Variants in CAMK4 observed in about 807,000 individuals in gnomAD.
The protein encoded by CAMK4 is calcium/calmodulin dependent protein kinase IV, also known as calcium/calmodulin-dependent protein kinase type IV.
In CAMK4, 22 loss-of-function variants were observed where a neutral mutation model predicts 44.9. The observed-to-expected ratio is 0.49, with a 90% CI of 0.35 to 0.70. The LOEUF is 0.70. Ranked by LOEUF, CAMK4 falls within the 30% of genes least tolerant of loss-of-function variation. The pLI, the probability that CAMK4 is intolerant of heterozygous loss-of-function variation, is 0.01. For synonymous variants in CAMK4, 218 were observed against 215.4 expected (o/e 1.01, Z -0.11); for missense variants, 498 against 586.8 (o/e 0.85, Z 1.56).
At chr5:111,277,396 A>C (rs6899235) in intron 1 of CAMK4, 11 of 152,258 alleles carry the variant, frequency 7.2e-5, no homozygotes, top group Non-Finnish European at 1.3e-4. Context: ...TATATCACAG[A>C]AACTCCCTGA....
intron 1 of CAMK4, among the ~76,000 whole-genome samples, chr5:111,327,550 T>G (rs1320526133): frequency 1.3e-5 from 2 of 152,080 alleles, no homozygotes; most frequent in Non-Finnish European, 2.9e-5. Flanking sequence ...GGTCAAATGG[T>G]ATTTCTAGTT....
At chr5:111,461,970 A>C (rs1754659899) in intron 7 of CAMK4, among the ~76,000 whole-genome samples, 1 of 152,116 alleles carries the variant, frequency 6.6e-6, no homozygotes, top group African/African-American at 2.4e-5. Flanking sequence ...ATTTTGAAAC[A>C]AACAAGACCC....
intron 4 of CAMK4, among the ~76,000 whole-genome samples, chr5:111,379,592 C>T (rs1751340434): frequency 6.6e-6 from 1 of 152,064 alleles, no homozygotes; most frequent in Non-Finnish European, 1.5e-5. Context: ...AAAATACATT[C>T]TGCATTATTA....
At position 111,342,993 on chromosome 5, in the gene CAMK4, A is replaced by G. The variant is rs145590847; in HGVS notation, c.162-1031A>G. 5.4e-3 allele frequency among the ~76,000 whole-genome samples: 814 copies of G among 151,772 alleles called. 8 individuals are homozygous for G. Among genetic ancestry groups the G allele is most frequent in the African/African-American group, 0.019 (790 of 41,500 alleles). ...AAATTTTAATATTTTTGCCTTAGTTATCTTTTAAAGCAATTTAAAATAAGG... is the reference window on the plus strand; with the variant it reads ...AAATTTTAATATTTTTGCCTTAGTTGTCTTTTAAAGCAATTTAAAATAAGG... On this transcript the variant is annotated intron_variant, in intron 1 of 10. Coordinates refer to ENST00000282356, the MANE Select transcript of CAMK4 (RefSeq NM_001744.6).
chr5:111,296,785 A>C (rs1424164756), intron 1 of CAMK4, among the ~76,000 whole-genome samples: 8 of 152,238 alleles, frequency 5.3e-5, no homozygotes, highest in African/African-American at 1.7e-4. Context: ...CTGGGTGATG[A>C]GCCAAATGCC....
chr5:111,270,041 A>G (rs1325395133), intron 1 of CAMK4: 2 of 152,346 alleles, frequency 1.3e-5, no homozygotes, highest in African/African-American at 4.8e-5. Context: ...GCAGCGTTTC[A>G]TTTCCTCCTC....
At chr5:111,411,738 G>A (rs1012158407) in intron 5 of CAMK4, among the ~76,000 whole-genome samples, 1 of 152,154 alleles carries the variant, frequency 6.6e-6, no homozygotes, top group Non-Finnish European at 1.5e-5. Flanking sequence ...TTTTCTATTG[G>A]CAAACATTAG....
intron 1 of CAMK4, among the ~76,000 whole-genome samples, chr5:111,303,813 A>G (rs1179157500): frequency 1.4e-5 from 2 of 144,352 alleles, no homozygotes; most frequent in Non-Finnish European, 3.0e-5. Flanking sequence ...CAAAGTTGAA[A>G]TGAAGGAAAA....
rs890803914 is a variant in CAMK4 at position 111,473,457 on chromosome 5, C to T, written c.701+71C>T. The T allele has an allele frequency of 1.8e-4, 165 of 937,534 alleles. No individual in the cohort carries two copies. In the Admixed American group the frequency reaches 3.4e-3, roughly 19 times the overall value. 58.1% of individuals were successfully genotyped at this position (937,534 alleles called of 1,614,324 possible). A position where few individuals can be genotyped will look rare whatever the true frequency, so the allele number is the denominator to read the frequency against. On this transcript the variant is annotated intron_variant, in intron 8 of 10. Transcript: ENST00000282356. ...TGACATTTTCTAGATACCTCTAATGCTCATAAAAACCATAAAGATTACTTT... is the reference window on the plus strand; with the variant it reads ...TGACATTTTCTAGATACCTCTAATGTTCATAAAAACCATAAAGATTACTTT...
intron 1 of CAMK4, among the ~76,000 whole-genome samples, chr5:111,260,347 A>G (rs1363292826): frequency 1.3e-5 from 2 of 152,072 alleles, no homozygotes; most frequent in African/African-American, 4.8e-5. Context: ...AACCTTCTGA[A>G]ATTCATTCCT....
At chr5:111,293,628 C>T (rs993737789) in intron 1 of CAMK4, among the ~76,000 whole-genome samples, 1 of 151,520 alleles carries the variant, frequency 6.6e-6, no homozygotes, top group Admixed American at 6.6e-5. Context: ...GGTTTTACCA[C>T]GTTGGCCAGG....
intron 1 of CAMK4, among the ~76,000 whole-genome samples, chr5:111,263,535 T>C (rs1289152134): frequency 6.6e-6 from 1 of 152,208 alleles, no homozygotes; most frequent in East Asian, 1.9e-4. Context: ...ATCATTGCCA[T>C]GTCCATTTCA....
chr5:111,247,622 G>T (rs1749297337), intron 1 of CAMK4, among the ~76,000 whole-genome samples: 2 of 151,820 alleles, frequency 1.3e-5, no homozygotes, highest in East Asian at 1.9e-4. Flanking sequence ...TCTGGAGCGG[G>T]AACTAATACT....
chr5:111,301,170 A>G (rs1747703982), intron 1 of CAMK4, among the ~76,000 whole-genome samples: 1 of 152,110 alleles, frequency 6.6e-6, no homozygotes, highest in Non-Finnish European at 1.5e-5. Context: ...TTGACTATAA[A>G]TGTGATTTGC....
chr5:111,423,857 A>G (rs1753118746), intron 5 of CAMK4, among the ~76,000 whole-genome samples: 1 of 152,204 alleles, frequency 6.6e-6, no homozygotes, highest in Non-Finnish European at 1.5e-5. Context: ...CCTACTGTGG[A>G]CCAAGCTTTA....
rs62375627 is a variant in CAMK4, at chr5:111,344,017, C to A, written c.162-7C>A. On this transcript the variant is annotated splice_region_variant and splice_polypyrimidine_tract_variant and intron_variant, in intron 1 of 10. Transcript: ENST00000282356. ...AACATTTTCTTTTTGTCTTTTTCCCCCTCAAGGGGTGCTACATCCATTGTG... is the reference window on the plus strand; with the variant it reads ...AACATTTTCTTTTTGTCTTTTTCCCACTCAAGGGGTGCTACATCCATTGTG... 1 of 1,565,740 alleles carries A rather than the reference C, an allele frequency of 6.4e-7. No homozygotes were observed. Among genetic ancestry groups the A allele is most frequent in the Non-Finnish European group, 8.8e-7 (1 of 1,142,390 alleles).
chr5:111,245,151 G>A (rs765518632), intron 1 of CAMK4, among the ~76,000 whole-genome samples: 1 of 151,840 alleles, frequency 6.6e-6, no homozygotes, highest in Non-Finnish European at 1.5e-5. Flanking sequence ...TTACAGTTGG[G>A]GACATATTGA....
At chr5:111,331,283 AC>A (rs2112721808) in intron 1 of CAMK4, among the ~76,000 whole-genome samples, 2 of 151,882 alleles carry the variant, frequency 1.3e-5, no homozygotes, top group South Asian at 4.1e-4. Context: ...TGGGCAAAAG[AC>A]CAAAATGCTT....
intron 1 of CAMK4, among the ~76,000 whole-genome samples, chr5:111,341,034 C>T (rs923149608): frequency 1.3e-5 from 2 of 150,908 alleles, no homozygotes; most frequent in Non-Finnish European, 3.0e-5. Context: ...AGACCCTTTA[C>T]ATTTCTGTAC....
Sources: allele counts gnomAD v4.1 joint callset (sites outside exome capture counted in the v4.1 genomes callset), GRCh38; gene constraint gnomAD v4.1.1; transcripts MANE v1.5; gene names NCBI Gene and HGNC (gene_info 2026-07-23, HGNC 2026-07-21).